SNX24: variants seen among roughly 807,000 people sequenced by gnomAD.
The protein encoded by SNX24 is sorting nexin 24, also known as sorting nexin-24.
SNX24 carries 22 observed loss-of-function variants against 28.7 expected under a neutral mutation model. The ratio of observed to expected loss-of-function variants is 0.77; its 90% CI spans 0.55 to 1.10. The LOEUF is 1.10. Among genes scored for constraint, SNX24 ranks in the 50% least tolerant of loss-of-function variants. SNX24 has a pLI of 0.00. For synonymous variants in SNX24, 69 were observed against 71.5 expected (o/e 0.96, Z 0.18); for missense variants, 221 against 201.1 (o/e 1.10, Z -0.60).
chr5:122,958,701 CTT>C (rs1173878976), intron 3 of SNX24, among the ~76,000 whole-genome samples: 2 of 139,986 alleles, frequency 1.4e-5, no homozygotes, highest in Non-Finnish European at 3.0e-5. Flanking sequence ...ACTTTATAGT[CTT>C]TTTATTTTTT....
intron 1 of SNX24, among the ~76,000 whole-genome samples, chr5:122,912,418 C>T (rs13174908): frequency 2.2e-4 from 33 of 151,944 alleles, no homozygotes; most frequent in African/African-American, 6.5e-4. Flanking sequence ...ATCTGCAAAC[C>T]GGGACAATTT....
Position 122,895,490 on chromosome 5 carries a change from A to G in SNX24, c.61-41244A>G, listed in dbSNP as rs548438516. Among the ~76,000 whole-genome samples the G allele has an allele frequency of 2.6e-5, 4 of 152,266 alleles. No homozygotes were observed. In the East Asian group the frequency reaches 5.8e-4, roughly 22 times the overall value. ...ACATCTTGGACCAAGGGTGTAGGCA[A>G]CCTTGGGTCCTGGTGATTGGAAGCA... On this transcript the variant is annotated intron_variant, in intron 1 of 6. Transcript: ENST00000261369.
At position 122,903,331 on chromosome 5, in the gene SNX24, G is replaced by C. The variant is rs559188700; in HGVS notation, c.61-33403G>C. Among the ~76,000 whole-genome samples the C allele has an allele frequency of 1.1e-3, 173 of 152,176 alleles. 2 individuals carry two copies. In the South Asian group the frequency reaches 0.018, roughly 16 times the overall value. Reference sequence around the variant, plus strand: ...TCTCCATGTTGCCCAAGCTGGTCTTGAACTCCTGGGCTCAAGTGATCCACT... The same window carrying C: ...TCTCCATGTTGCCCAAGCTGGTCTTCAACTCCTGGGCTCAAGTGATCCACT... On this transcript the variant is annotated intron_variant, in intron 1 of 6. Transcript: ENST00000261369.
chr5:123,025,135 A>G (rs1324188948), intron 5 of SNX24, among the ~76,000 whole-genome samples: 1 of 152,142 alleles, frequency 6.6e-6, no homozygotes, highest in Non-Finnish European at 1.5e-5. Context: ...GTTTTCAACT[A>G]TTTTATTTTT....
At chr5:122,947,409 G>C (rs181356423) in intron 3 of SNX24, among the ~76,000 whole-genome samples, 1 of 152,100 alleles carries the variant, frequency 6.6e-6, no homozygotes, top group African/African-American at 2.4e-5. Context: ...CCAGAATTCC[G>C]TTCCTGGCCC....
At chr5:122,933,045 G>T (rs34067759) in intron 1 of SNX24, among the ~76,000 whole-genome samples, 3,800 of 152,196 alleles carry the variant, frequency 0.025, 61 homozygotes, top group Non-Finnish European at 0.037. Context: ...TTGGGTTCTA[G>T]ATATTTTTAT....
At chr5:122,997,368 A>G (rs974479489) in intron 3 of SNX24, among the ~76,000 whole-genome samples, 4 of 152,182 alleles carry the variant, frequency 2.6e-5, no homozygotes, top group Admixed American at 6.5e-5. Context: ...AATTCATGCA[A>G]ATTTCTGGAG....
exon 6 of SNX24, chr5:123,029,298 G>A: frequency 2.5e-6 from 4 of 1,614,052 alleles, no homozygotes; most frequent in Non-Finnish European, 3.4e-6. Context: ...ATAAAATTGA[G>A]ACATACCTCT....
At chr5:123,010,293 T>C (rs1762547510), downstream of SNX24, among the ~76,000 whole-genome samples, 1 of 88,556 alleles carries the variant, frequency 1.1e-5, no homozygotes, top group South Asian at 3.0e-4. Context: ...ATGATGGAAC[T>C]TTTTTTTTTT....
chr5:122,979,979 A>G (rs1202805068), intron 3 of SNX24, among the ~76,000 whole-genome samples: 4 of 152,240 alleles, frequency 2.6e-5, no homozygotes, highest in Admixed American at 2.6e-4. Context: ...GTGTCCAACA[A>G]TGACTTTATA....
intron 1 of SNX24, among the ~76,000 whole-genome samples, chr5:122,868,314 G>A (rs1224684462): frequency 6.6e-6 from 1 of 152,034 alleles, no homozygotes; most frequent in Non-Finnish European, 1.5e-5. Context: ...TAGCTTGATG[G>A]GTCAGATAAC....
chr5:122,863,402 A>G (rs917553763), intron 1 of SNX24, among the ~76,000 whole-genome samples: 3 of 152,120 alleles, frequency 2.0e-5, no homozygotes, highest in African/African-American at 4.8e-5. Flanking sequence ...GTAGGAAAAT[A>G]GAGAGTGATA....
At chr5:122,934,574 G>T (rs1273819709) in intron 1 of SNX24, among the ~76,000 whole-genome samples, 5 of 152,044 alleles carry the variant, frequency 3.3e-5, no homozygotes, top group African/African-American at 1.2e-4. Context: ...TGGCCACACT[G>T]GTCTCAAACT....
chr5:123,007,806 T>A lies in SNX24; in HGVS notation c.*57T>A. On this transcript the variant is annotated 3_prime_UTR_variant, in exon 7 of 7. Coordinates refer to ENST00000261369, the MANE Select transcript of SNX24 (RefSeq NM_014035.4). ...AGTTTCGAAGTCACAGTCAAGGAAA[T>A]CAATACCTACCAATTTAACCTAAAC... 1 of 1,576,448 alleles carries A rather than the reference T, an allele frequency of 6.3e-7. No individual in the cohort carries two copies. Among genetic ancestry groups the A allele is most frequent in the Non-Finnish European group, 8.5e-7 (1 of 1,169,670 alleles).
chr5:122,917,539 A>C (rs1027572002), intron 1 of SNX24, among the ~76,000 whole-genome samples: 2 of 152,182 alleles, frequency 1.3e-5, no homozygotes, highest in Admixed American at 6.5e-5. Flanking sequence ...GTTTTCAAAC[A>C]TTCAGGACGG....
At chr5:122,960,599 G>T (rs1001399945) in intron 3 of SNX24, among the ~76,000 whole-genome samples, 3 of 151,934 alleles carry the variant, frequency 2.0e-5, no homozygotes, top group African/African-American at 4.8e-5. Flanking sequence ...CTTTTAGGGA[G>T]CCTTTTCTTT....
At chr5:122,921,624 A>C (rs1274921037) in intron 1 of SNX24, among the ~76,000 whole-genome samples, 3 of 59,904 alleles carry the variant, frequency 5.0e-5, no homozygotes, top group African/African-American at 2.4e-4. Flanking sequence ...CCTAGATGTA[A>C]GGCTTGAAAA....
At chr5:122,994,540 C>A (rs1049389516) in intron 3 of SNX24, among the ~76,000 whole-genome samples, 7 of 152,236 alleles carry the variant, frequency 4.6e-5, no homozygotes, top group African/African-American at 1.7e-4. Flanking sequence ...TCAATGGTAT[C>A]CTTTGGGAAC....
intron 3 of SNX24, among the ~76,000 whole-genome samples, chr5:122,947,852 G>A (rs538095702): frequency 2.7e-4 from 41 of 152,264 alleles, no homozygotes; most frequent in Admixed American, 4.6e-4. Flanking sequence ...GCTCTACTCT[G>A]TTCCCCTCAT....
Sources: gnomAD v4.1 joint callset for allele counts (sites outside exome capture counted in the v4.1 genomes callset) on GRCh38, gnomAD v4.1.1 for gene constraint, MANE v1.5 for transcripts, NCBI Gene and HGNC (gene_info 2026-07-23, HGNC 2026-07-21) for gene names.